Variants in TGFBR2 observed in about 807,000 individuals in gnomAD.
The protein encoded by TGFBR2 is TGF-beta receptor type-2.
In TGFBR2, 18 loss-of-function variants were observed where a neutral mutation model predicts 49.0. The ratio of observed to expected loss-of-function variants is 0.37; its 90% CI spans 0.25 to 0.54. The LOEUF (loss-of-function observed/expected upper bound fraction) is 0.54. TGFBR2 is among the 20% of genes least tolerant of loss of function. The pLI is 0.85. For synonymous variants in TGFBR2, 282 were observed against 275.9 expected (o/e 1.02, Z -0.22); for missense variants, 525 against 722.6 (o/e 0.73, Z 3.13).
intron 3 of TGFBR2, chr3:30,661,421 C>T (rs1044378688): frequency 1.1e-5 from 4 of 370,550 alleles, no homozygotes; most frequent in Non-Finnish European, 2.1e-5. Flanking sequence ...AATCTATATC[C>T]TAAGGAGGAA....
chr3:30,663,352 C>T (rs995268502), intron 3 of TGFBR2, among the ~76,000 whole-genome samples: 1 of 152,094 alleles, frequency 6.6e-6, no homozygotes, highest in Non-Finnish European at 1.5e-5. Context: ...ATTGTTTTGC[C>T]TCTACAGTGT....
At chr3:30,624,991 A>T (rs1698305060) in intron 1 of TGFBR2, among the ~76,000 whole-genome samples, 1 of 152,164 alleles carries the variant, frequency 6.6e-6, no homozygotes, top group Non-Finnish European at 1.5e-5. Context: ...ATTTTCTTCA[A>T]ACTGTAATAA....
intron 1 of TGFBR2, among the ~76,000 whole-genome samples, chr3:30,626,156 T>A (rs1684495388): frequency 6.6e-6 from 1 of 152,144 alleles, no homozygotes; most frequent in Non-Finnish European, 1.5e-5. Context: ...CCTAACCCAG[T>A]GAGGTTACAA....
intron 3 of TGFBR2, among the ~76,000 whole-genome samples, chr3:30,668,169 C>T (rs1395054508): frequency 2.6e-5 from 4 of 152,168 alleles, no homozygotes; most frequent in African/African-American, 4.8e-5. Context: ...TATCATTCCA[C>T]GTAAGTAATC....
At chr3:30,653,227 T>C (rs1054455595) in intron 3 of TGFBR2, among the ~76,000 whole-genome samples, 2 of 151,556 alleles carry the variant, frequency 1.3e-5, no homozygotes, top group Non-Finnish European at 2.9e-5. Flanking sequence ...CCACCATCTC[T>C]TCTTTATCTT....
chr3:30,652,399 TA>T lies in TGFBR2; in HGVS notation c.454+1941del, dbSNP rs373098816. Among the ~76,000 whole-genome samples, 527 of 152,130 alleles carry T rather than the reference TA, an allele frequency of 3.5e-3. 3 individuals carry two copies. The highest frequency in any genetic ancestry group is 0.012 in the African/African-American group (508 of 41,514). ...GCAGGAGTGTGCCACCATACCCAGCTAATCTTTGTATTTTTAGTAGAGACGA... is the reference window on the plus strand; with the variant it reads ...GCAGGAGTGTGCCACCATACCCAGCTATCTTTGTATTTTTAGTAGAGACGA... On this transcript the variant is annotated intron_variant, in intron 3 of 6. Coordinates refer to ENST00000295754, the MANE Select transcript of TGFBR2 (RefSeq NM_003242.6).
chr3:30,663,708 T>C (rs1246589273), intron 3 of TGFBR2, among the ~76,000 whole-genome samples: 1 of 152,138 alleles, frequency 6.6e-6, no homozygotes, highest in African/African-American at 2.4e-5. Flanking sequence ...TTGGGGAACA[T>C]GAACAGACTT....
intron 1 of TGFBR2, among the ~76,000 whole-genome samples, chr3:30,624,828 C>G (rs1351236991): frequency 1.3e-5 from 2 of 152,108 alleles, no homozygotes; most frequent in African/African-American, 4.8e-5. Flanking sequence ...GGACTTCTTT[C>G]TGTTTTCCAC....
intron 1 of TGFBR2, among the ~76,000 whole-genome samples, chr3:30,625,379 C>T (rs995032266): frequency 2.0e-5 from 3 of 152,208 alleles, no homozygotes; most frequent in Admixed American, 2.0e-4. Flanking sequence ...TATTTCCCTT[C>T]TTAACTTCTT....
intron 5 of TGFBR2, among the ~76,000 whole-genome samples, chr3:30,681,138 A>G (rs533112853): frequency 2.9e-4 from 38 of 131,704 alleles, no homozygotes; most frequent in African/African-American, 1.1e-3. Context: ...TGTATTGTCA[A>G]GTTGCTGCAG....
intron 6 of TGFBR2, among the ~76,000 whole-genome samples, chr3:30,688,797 C>G (rs1283650465): frequency 6.6e-6 from 1 of 152,226 alleles, no homozygotes; most frequent in Admixed American, 6.5e-5. Context: ...TTGTTTGCAG[C>G]CTCTGCTACT....
intron 3 of TGFBR2, among the ~76,000 whole-genome samples, chr3:30,654,069 C>CT (rs1315391057): frequency 6.6e-6 from 1 of 151,932 alleles, no homozygotes; most frequent in Non-Finnish European, 1.5e-5. Flanking sequence ...CTTTTTTCCT[C>CT]TTTTTATTTC....
chr3:30,649,003 C>A (rs1201826783), intron 2 of TGFBR2, among the ~76,000 whole-genome samples: 1 of 152,130 alleles, frequency 6.6e-6, no homozygotes, highest in Non-Finnish European at 1.5e-5. Context: ...GCCTGCCTTC[C>A]GTTTTCCTTG....
At chr3:30,663,227 T>G (rs1408988251) in intron 3 of TGFBR2, among the ~76,000 whole-genome samples, 3 of 152,200 alleles carry the variant, frequency 2.0e-5, no homozygotes, top group African/African-American at 4.8e-5. Flanking sequence ...CACAGATACA[T>G]TCACATATAT....
chr3:30,644,818 G>C lies in TGFBR2; in HGVS notation c.166G>C (p.Val56Leu), dbSNP rs200924849. The C allele has an allele frequency of 6.2e-7, 1 of 1,614,158 alleles. No homozygotes were observed. The change falls in exon 2 of 7, where the codon GTG becomes CTG. Residue 56 changes from valine (V) to leucine (L), a missense_variant. Transcript: ENST00000295754. The part of the protein sequence containing the change: ...KFPQLCKFCD[V>L]RFSTCDNQKS... ...TCCACAACTGTGTAAATTTTGTGAT[G>C]TGAGATTTTCCACCTGTGACAACCA... is the stretch of plus-strand genomic sequence containing the variant.
intron 3 of TGFBR2, among the ~76,000 whole-genome samples, chr3:30,667,611 T>A (rs1194481395): frequency 2.0e-5 from 3 of 152,218 alleles, no homozygotes; most frequent in Non-Finnish European, 4.4e-5. Context: ...TCTTCTTCAG[T>A]CAGTGCCACA....
At position 30,691,588 on chromosome 3, in the gene TGFBR2, A is replaced by C; in HGVS notation, c.1693A>C (p.Thr565Pro). 6.2e-7 allele frequency: 1 copy of C among 1,613,996 alleles called. No individual in the cohort carries two copies. Among genetic ancestry groups the C allele is most frequent in the Non-Finnish European group, 8.5e-7 (1 of 1,179,960 alleles). ...GATTCCTGAAGACGGCTCCCTAAAC[A>C]CTACCAAATAGCTCTTCTGGGGCAG... ...EKIPEDGSLN[T>P]TK Residue 565 changes from threonine (T) to proline (P), a missense_variant, in exon 7 of 7, where the codon ACT (threonine) becomes CCT (proline). Coordinates refer to ENST00000295754, the MANE Select transcript of TGFBR2 (RefSeq NM_003242.6).
At chr3:30,666,447 A>C (rs1204838679) in intron 3 of TGFBR2, among the ~76,000 whole-genome samples, 1 of 152,202 alleles carries the variant, frequency 6.6e-6, no homozygotes. Flanking sequence ...TGTGGTTCTT[A>C]GTTCAGAACA....
chr3:30,678,546 TAAAAAAA>T (rs1553630848), intron 5 of TGFBR2, among the ~76,000 whole-genome samples: 2 of 100,870 alleles, frequency 2.0e-5, no homozygotes, highest in Non-Finnish European at 3.8e-5. Context: ...AGACTGCGTC[TAAAAAAA>T]AAAAAAAAAA....
Sources: allele counts gnomAD v4.1 joint callset (sites outside exome capture counted in the v4.1 genomes callset), GRCh38; gene constraint gnomAD v4.1.1; transcripts MANE v1.5; gene names NCBI Gene and HGNC (gene_info 2026-07-23, HGNC 2026-07-21).